CFAP61: variants seen among roughly 807,000 people sequenced by gnomAD.
CFAP61 encodes the protein cilia- and flagella-associated protein 61.
A neutral mutation model predicts 135.6 loss-of-function variants in CFAP61; 107 were observed. The observed-to-expected ratio is 0.79, with a 90% CI of 0.67 to 0.93. CFAP61 has a LOEUF of 0.93. Among genes scored for constraint, CFAP61 ranks in the 40% least tolerant of loss-of-function variants. CFAP61 has a pLI of 0.00. For missense variants in CFAP61, 1,507 were observed against 1,556.2 expected (o/e 0.97, Z 0.53); for synonymous variants, 575 against 578.5 (o/e 0.99, Z 0.09).
intron 18 of CFAP61, among the ~76,000 whole-genome samples, chr20:20,235,254 CCCT>C (rs2049492484): frequency 6.6e-6 from 1 of 152,078 alleles, no homozygotes; most frequent in Non-Finnish European, 1.5e-5. Flanking sequence ...TTAAACTCTC[CCCT>C]CCTTTCTTGA....
At chr20:20,265,352 C>T (rs528809831) in intron 21 of CFAP61, 2 of 779,058 alleles carry the variant, frequency 2.6e-6, no homozygotes, top group Non-Finnish European at 4.8e-6. Flanking sequence ...AATTTAGAAA[C>T]CCCAAAGCAA....
At position 20,098,814 on chromosome 20, in the gene CFAP61, G is replaced by A; in HGVS notation, c.859G>A (p.Asp287Asn). 6.2e-7 allele frequency: 1 copy of A among 1,609,508 alleles called. No individual in the cohort carries two copies. The highest frequency in any genetic ancestry group is 8.5e-7 in the Non-Finnish European group (1 of 1,178,432). Reference protein sequence around the residue: ...PQDLSVRRSQDAELRSSSQGS... With the variant: ...PQDLSVRRSQNAELRSSSQGS... Reference sequence around the variant, plus strand: ...AGACCTAAGTGTCCGAAGAAGTCAAGGTACAGTGGCTATCACAGGGACACA... The same window carrying A: ...AGACCTAAGTGTCCGAAGAAGTCAAAGTACAGTGGCTATCACAGGGACACA... The change falls in exon 8 of 27, where the codon GAT (aspartate) becomes AAT (asparagine). Residue 287 changes from aspartate (D) to asparagine (N), a missense_variant and splice_region_variant. Asp to Asn is a conservative substitution (Grantham distance 23). Coordinates refer to ENST00000245957, the MANE Select transcript of CFAP61 (RefSeq NM_015585.4).
chr20:20,062,622 GA>G (rs976881315), intron 2 of CFAP61, among the ~76,000 whole-genome samples: 1 of 151,848 alleles, frequency 6.6e-6, no homozygotes, highest in African/African-American at 2.4e-5. Flanking sequence ...GATTAATCAG[GA>G]AAAAAAGAAA....
intron 6 of CFAP61, among the ~76,000 whole-genome samples, chr20:20,089,499 G>A (rs1353683416): frequency 6.6e-6 from 1 of 151,650 alleles, no homozygotes; most frequent in Non-Finnish European, 1.5e-5. Context: ...GTAAAGCTAG[G>A]GGGAGGAAAT....
intron 7 of CFAP61, among the ~76,000 whole-genome samples, chr20:20,096,417 T>A (rs1460064500): frequency 6.6e-6 from 1 of 152,254 alleles, no homozygotes; most frequent in East Asian, 1.9e-4. Context: ...CATGTTTTTC[T>A]CATTTTCATC....
intron 20 of CFAP61, 28 bp downstream of exon 20, chr20:20,251,791 C>T (rs2050939709): frequency 6.2e-7 from 1 of 1,609,472 alleles, no homozygotes; most frequent in East Asian, 2.2e-5. Context: ...GGGCGCAAGC[C>T]ACGTGTCTGG....
intron 18 of CFAP61, among the ~76,000 whole-genome samples, chr20:20,234,625 T>C (rs528525664): frequency 3.3e-5 from 5 of 152,178 alleles, no homozygotes; most frequent in African/African-American, 1.2e-4. Flanking sequence ...GAATCAGTAG[T>C]TTTCGAAACA....
intron 25 of CFAP61, among the ~76,000 whole-genome samples, chr20:20,332,005 T>C (rs1406069144): frequency 6.6e-6 from 1 of 152,190 alleles, no homozygotes; most frequent in Non-Finnish European, 1.5e-5. Flanking sequence ...GTGCTGAACT[T>C]ATATAACAAA....
intron 10 of CFAP61, among the ~76,000 whole-genome samples, chr20:20,163,710 C>T (rs996137031): frequency 7.9e-5 from 12 of 151,956 alleles, no homozygotes; most frequent in East Asian, 5.8e-4. Context: ...CCTATCAACC[C>T]GTCATCTAGG....
chr20:20,074,927 T>C (rs1044465646), intron 4 of CFAP61, among the ~76,000 whole-genome samples: 2 of 152,180 alleles, frequency 1.3e-5, no homozygotes, highest in African/African-American at 4.8e-5. Context: ...AGAAATCTGG[T>C]GTGCCATATG....
intron 25 of CFAP61, among the ~76,000 whole-genome samples, chr20:20,313,767 T>A (rs1456424873): frequency 6.6e-6 from 1 of 152,168 alleles, no homozygotes; most frequent in Non-Finnish European, 1.5e-5. Flanking sequence ...TTTATTGAGC[T>A]CACAGTTCTG....
intron 22 of CFAP61, among the ~76,000 whole-genome samples, chr20:20,283,074 A>G (rs772704353): frequency 2.7e-4 from 41 of 152,178 alleles, no homozygotes; most frequent in Admixed American, 2.6e-3. Context: ...GTTGACGGTG[A>G]TGTTCGACGC....
intron 6 of CFAP61, among the ~76,000 whole-genome samples, chr20:20,080,783 C>G (rs1332783329): frequency 1.3e-5 from 2 of 152,148 alleles, no homozygotes; most frequent in Admixed American, 6.5e-5. Context: ...GCAGGCAGAT[C>G]ACGAGGTCAA....
At chr20:20,286,945 T>C (rs1302513653) in intron 22 of CFAP61, among the ~76,000 whole-genome samples, 1 of 152,256 alleles carries the variant, frequency 6.6e-6, no homozygotes, top group African/African-American at 2.4e-5. Context: ...GTGAGGATGC[T>C]GAAGGAGACT....
chr20:20,318,245 C>T (rs1236747488), intron 25 of CFAP61, among the ~76,000 whole-genome samples: 1 of 152,288 alleles, frequency 6.6e-6, no homozygotes, highest in East Asian at 1.9e-4. Flanking sequence ...GAAGTGCCAA[C>T]TTAGGCCTGT....
At chr20:20,162,356 G>A (rs1434035170) in intron 10 of CFAP61, among the ~76,000 whole-genome samples, 1 of 151,980 alleles carries the variant, frequency 6.6e-6, no homozygotes, top group African/African-American at 2.4e-5. Context: ...ACATCTTTGG[G>A]GACCACAGTC....
intron 12 of CFAP61, among the ~76,000 whole-genome samples, chr20:20,167,715 G>T (rs6046684): frequency 0.9 from 136,906 of 152,188 alleles, 62,405 homozygotes; most frequent in Middle Eastern, 0.99. Flanking sequence ...TGACTCTCAG[G>T]TTCCCCAAAA....
intron 17 of CFAP61, among the ~76,000 whole-genome samples, chr20:20,202,455 G>T (rs2056669158): frequency 6.6e-6 from 1 of 152,174 alleles, no homozygotes; most frequent in Non-Finnish European, 1.5e-5. Flanking sequence ...TTAATCACAG[G>T]ATTATTTATC....
intron 6 of CFAP61, among the ~76,000 whole-genome samples, chr20:20,077,812 G>A (rs75390692): frequency 0.1 from 15,399 of 152,208 alleles, 2,615 homozygotes; most frequent in African/African-American, 0.35. Context: ...TTAAGATAGG[G>A]GTTGTGGAGA....
Sources: gnomAD v4.1 joint callset for allele counts (sites outside exome capture counted in the v4.1 genomes callset) on GRCh38, gnomAD v4.1.1 for gene constraint, MANE v1.5 for transcripts, NCBI Gene and HGNC (gene_info 2026-07-23, HGNC 2026-07-21) for gene names.